Variants in SETBP1 observed in about 807,000 individuals in gnomAD.
SETBP1 encodes the protein SET-binding protein.
A neutral mutation model predicts 101.0 loss-of-function variants in SETBP1; 9 were observed. The ratio of observed to expected loss-of-function variants is 0.09; its 90% CI spans 0.05 to 0.16. The LOEUF is 0.16. Among genes scored for constraint, SETBP1 ranks in the 10% least tolerant of loss-of-function variants. SETBP1 has a pLI of 1.00. For synonymous variants in SETBP1, 818 were observed against 788.5 expected (o/e 1.04, Z -0.63); for missense variants, 1,858 against 2,033.8 (o/e 0.91, Z 1.66).
intron 2 of SETBP1, among the ~76,000 whole-genome samples, chr18:44,772,540 A>C (rs373776116): frequency 6.6e-6 from 1 of 152,042 alleles, no homozygotes; most frequent in Non-Finnish European, 1.5e-5. Context: ...TCCTGGGGGT[A>C]TTTTCATAAG....
chr18:44,852,892 C>G (rs1452672565), intron 2 of SETBP1, among the ~76,000 whole-genome samples: 1 of 152,150 alleles, frequency 6.6e-6, no homozygotes, highest in South Asian at 2.1e-4. Flanking sequence ...TTTTTGTGTA[C>G]AGACTGAACC....
chr18:44,790,288 GT>G (rs926668649), intron 2 of SETBP1, among the ~76,000 whole-genome samples: 104 of 152,016 alleles, frequency 6.8e-4, no homozygotes, highest in African/African-American at 2.5e-3. Context: ...GTACTATTCA[GT>G]TTTTTTTCTC....
At chr18:44,891,483 G>T (rs1347472337) in intron 3 of SETBP1, among the ~76,000 whole-genome samples, 1 of 152,050 alleles carries the variant, frequency 6.6e-6, no homozygotes, top group Non-Finnish European at 1.5e-5. Context: ...ATTATATTGG[G>T]CCTCATTATA....
At chr18:44,980,804 T>G (rs1599405510) in intron 4 of SETBP1, among the ~76,000 whole-genome samples, 1 of 152,262 alleles carries the variant, frequency 6.6e-6, no homozygotes, top group East Asian at 1.9e-4. Context: ...GGGTAAGAGG[T>G]TGCAAAGCAT....
chr18:44,759,238 A>C (rs1473969609), intron 2 of SETBP1, among the ~76,000 whole-genome samples: 1 of 152,162 alleles, frequency 6.6e-6, no homozygotes, highest in African/African-American at 2.4e-5. Flanking sequence ...GTGGTCCATG[A>C]GCCGTGAGCA....
intron 2 of SETBP1, among the ~76,000 whole-genome samples, chr18:44,819,011 TAC>T (rs2072046926): frequency 6.6e-6 from 1 of 151,630 alleles, no homozygotes; most frequent in Non-Finnish European, 1.5e-5. Flanking sequence ...TGTGTGTGTA[TAC>T]ACACACATTT....
chr18:44,938,548 A>T (rs2071013692), intron 3 of SETBP1, among the ~76,000 whole-genome samples: 1 of 152,206 alleles, frequency 6.6e-6, no homozygotes, highest in Non-Finnish European at 1.5e-5. Context: ...AGGGAATTAC[A>T]CTGGAGGAGC....
At chr18:44,825,762 T>G (rs954513968) in intron 2 of SETBP1, among the ~76,000 whole-genome samples, 9 of 152,224 alleles carry the variant, frequency 5.9e-5, no homozygotes, top group African/African-American at 2.2e-4. Flanking sequence ...AATAATAATG[T>G]CCTTGTCTTT....
At chr18:45,019,901 T>C (rs1298678726) in intron 4 of SETBP1, among the ~76,000 whole-genome samples, 1 of 152,092 alleles carries the variant, frequency 6.6e-6, no homozygotes, top group Non-Finnish European at 1.5e-5. Context: ...CCAGTGGCCA[T>C]GGGAAAGGAA....
intron 2 of SETBP1, among the ~76,000 whole-genome samples, chr18:44,753,665 G>C (rs995777347): frequency 3.3e-5 from 5 of 152,234 alleles, no homozygotes; most frequent in Non-Finnish European, 7.3e-5. Flanking sequence ...CTTTAGGTGA[G>C]CATGAGTTTC....
At chr18:44,770,401 A>G (rs2070847151) in intron 2 of SETBP1, among the ~76,000 whole-genome samples, 1 of 152,224 alleles carries the variant, frequency 6.6e-6, no homozygotes, top group African/African-American at 2.4e-5. Flanking sequence ...TTAGACATCA[A>G]ACATCTTCCA....
intron 3 of SETBP1, among the ~76,000 whole-genome samples, chr18:44,887,232 G>T (rs1467478365): frequency 4.6e-5 from 7 of 152,138 alleles, no homozygotes; most frequent in Non-Finnish European, 1.0e-4. Flanking sequence ...AATAAAAGGA[G>T]GTTTCCTTTT....
At chr18:44,751,441 C>T (rs1257882113) in intron 2 of SETBP1, among the ~76,000 whole-genome samples, 2 of 152,168 alleles carry the variant, frequency 1.3e-5, no homozygotes, top group African/African-American at 4.8e-5. Flanking sequence ...TGATTTGTGT[C>T]CATTCTTTAC....
chr18:44,906,031 A>G (rs1483844470), intron 3 of SETBP1, among the ~76,000 whole-genome samples: 3 of 152,082 alleles, frequency 2.0e-5, no homozygotes, highest in Non-Finnish European at 4.4e-5. Flanking sequence ...TTCATTTCCT[A>G]TGGCCCAGCA....
intron 4 of SETBP1, among the ~76,000 whole-genome samples, chr18:45,000,037 G>A (rs1000081409): frequency 2.6e-5 from 4 of 152,202 alleles, no homozygotes; most frequent in South Asian, 4.1e-4. Flanking sequence ...CCAATGTTAC[G>A]TTATATGACA....
intron 2 of SETBP1, among the ~76,000 whole-genome samples, chr18:44,865,946 A>G (rs1370145309): frequency 6.6e-6 from 1 of 152,236 alleles, no homozygotes; most frequent in Admixed American, 6.5e-5. Context: ...GATAGAAGTT[A>G]TTTGAGTTCC....
intron 4 of SETBP1, among the ~76,000 whole-genome samples, chr18:44,989,699 C>T (rs1348741295): frequency 6.6e-6 from 1 of 150,824 alleles, no homozygotes; most frequent in Non-Finnish European, 1.5e-5. Context: ...GAAACCCCGT[C>T]TCTACTAAAA....
intron 4 of SETBP1, among the ~76,000 whole-genome samples, chr18:44,993,265 G>A (rs952782869): frequency 2.0e-5 from 3 of 152,032 alleles, no homozygotes; most frequent in African/African-American, 7.2e-5. Context: ...GAGGCCCAAT[G>A]TTCTCACATC....
At chr18:44,777,653 C>T (rs1186268334) in intron 2 of SETBP1, among the ~76,000 whole-genome samples, 1 of 152,200 alleles carries the variant, frequency 6.6e-6, no homozygotes, top group African/African-American at 2.4e-5. Context: ...ACAGGAGGTT[C>T]CTGGACACCC....
Sources: allele counts gnomAD v4.1 joint callset (sites outside exome capture counted in the v4.1 genomes callset), GRCh38; gene constraint gnomAD v4.1.1; transcripts MANE v1.5; gene names NCBI Gene and HGNC (gene_info 2026-07-23, HGNC 2026-07-21).